Variants in CACNA1A observed in about 807,000 individuals in gnomAD.
CACNA1A encodes the protein calcium voltage-gated channel subunit alpha1 A.
Under a neutral mutation model 262.4 loss-of-function variants are expected in CACNA1A, and 57 were observed. The observed-to-expected ratio is 0.22, with a 90% CI of 0.18 to 0.27. CACNA1A has a LOEUF of 0.27. Among genes scored for constraint, CACNA1A ranks in the 10% least tolerant of loss-of-function variants. The probability of loss-of-function intolerance (pLI) is 1.00; values close to 1 mark genes in which losing one functional copy is unlikely to be tolerated. For missense variants in CACNA1A, 2,526 were observed against 3,562.8 expected, an observed-to-expected ratio of 0.71 and a Z score of 7.41; for synonymous variants, 1,431 against 1,419.3, an observed-to-expected ratio of 1.01 and a Z score of -0.18.
intron 5 of CACNA1A, among the ~76,000 whole-genome samples, chr19:13,360,166 A>G (rs1171359222): frequency 6.6e-6 from 1 of 150,932 alleles, no homozygotes; most frequent in Non-Finnish European, 1.5e-5. Flanking sequence ...CAAGTAAAAT[A>G]TTTTCTAATT....
rs4926236 is a variant in CACNA1A at position 13,214,963 on chromosome 19, T to C, written c.5732-355A>G. On this transcript the variant is annotated intron_variant, in intron 38 of 46. Coordinates refer to ENST00000360228, the MANE Select transcript of CACNA1A (RefSeq NM_001127222.2). The surrounding 1 kb of genome is among the most constrained non-coding windows in gnomAD (Gnocchi z 4.1). ...AGTTTCTCCATCTGTGAAATGGAGA[T>C]GATAGCAAGAGTACTTGCCTCACCT... 0.82 allele frequency: 189,219 copies of C among 231,114 alleles called. 78,517 individuals carry two copies. The highest frequency in any genetic ancestry group is 0.91 in the African/African-American group (39,872 of 43,752). The allele number at this position is 231,114 out of a possible 1,614,324, so 14.3% of individuals were successfully genotyped here. A position where few individuals can be genotyped will look rare whatever the true frequency, so the allele number is the denominator to read the frequency against.
intron 3 of CACNA1A, among the ~76,000 whole-genome samples, chr19:13,401,347 A>C (rs987587765): frequency 6.6e-6 from 1 of 152,142 alleles, no homozygotes; most frequent in African/African-American, 2.4e-5. Context: ...CCATGTTCTC[A>C]CTAATACATG....
At chr19:13,235,074 C>A (rs968048441) in intron 33 of CACNA1A, 38 bp from the exon 34 acceptor site, 24 of 1,555,452 alleles carry the variant, frequency 1.5e-5, no homozygotes, top group Non-Finnish European at 2.0e-5. Context: ...GGCTGCCATT[C>A]CTCCAGTGGC....
At chr19:13,209,622 G>T in intron 44 of CACNA1A, 124 bp from the exon 45 acceptor site, 1 of 661,012 alleles carries the variant, frequency 1.5e-6, no homozygotes, top group Non-Finnish European at 2.2e-6. Flanking sequence ...CCATCCTGGG[G>T]CAGGGGCCAG....
intron 1 of CACNA1A, among the ~76,000 whole-genome samples, chr19:13,502,204 T>C (rs1159209514): frequency 2.7e-5 from 4 of 150,272 alleles, no homozygotes; most frequent in South Asian, 4.2e-4. Flanking sequence ...AATCAGCCAA[T>C]GTCCACAGAT....
intron 24 of CACNA1A, among the ~76,000 whole-genome samples, chr19:13,268,242 G>C (rs1010975224): frequency 1.3e-5 from 2 of 152,108 alleles, no homozygotes; most frequent in African/African-American, 4.8e-5. Flanking sequence ...TGCGGGCCTG[G>C]GGAAAGCTAT....
intron 5 of CACNA1A, chr19:13,364,376 A>G (rs2059169216): frequency 6.6e-6 from 1 of 152,244 alleles, no homozygotes; most frequent in African/African-American, 2.4e-5. Flanking sequence ...ACCTTCCACA[A>G]GGTACCACTC....
At chr19:13,365,543 G>T (rs1435569494) in intron 4 of CACNA1A, 74 bp from the exon 5 acceptor site, 4 of 1,365,836 alleles carry the variant, frequency 2.9e-6, no homozygotes, top group Non-Finnish European at 3.0e-6. Flanking sequence ...AGACGCCCAG[G>T]TCTCTCCCAG....
At chr19:13,219,042 ATTTT>A (rs554840529) in intron 38 of CACNA1A, among the ~76,000 whole-genome samples, 283 of 117,984 alleles carry the variant, frequency 2.4e-3, no homozygotes, top group African/African-American at 8.5e-3. Flanking sequence ...CCCTTTGCAG[ATTTT>A]TTTTTTTTTT....
At chr19:13,296,470 T>C (rs994446900) in intron 19 of CACNA1A, among the ~76,000 whole-genome samples, 2 of 152,246 alleles carry the variant, frequency 1.3e-5, no homozygotes, top group Admixed American at 6.5e-5. Context: ...CTAGAAAGTA[T>C]TACAAAATGT....
intron 19 of CACNA1A, among the ~76,000 whole-genome samples, chr19:13,291,048 T>C (rs2057525097): frequency 6.6e-6 from 1 of 152,154 alleles, no homozygotes; most frequent in Non-Finnish European, 1.5e-5. Context: ...GGAGGTTTCA[T>C]TTCCAAAGTG....
chr19:13,433,941 A>C (rs1270410696), intron 3 of CACNA1A, among the ~76,000 whole-genome samples: 1 of 152,200 alleles, frequency 6.6e-6, no homozygotes, highest in African/African-American at 2.4e-5. Context: ...TGAGTGTGGC[A>C]GTTAAGAGCT....
intron 2 of CACNA1A, 109 bp from the exon 3 acceptor site, chr19:13,453,124 G>A (rs367910750): frequency 8.7e-7 from 1 of 1,145,458 alleles, no homozygotes; most frequent in Non-Finnish European, 1.3e-6. Context: ...CACTTCCCCT[G>A]ACCCTCCTGC....
chr19:13,269,992 C>T lies in CACNA1A; in HGVS notation c.3989+5858G>A, dbSNP rs2056975335. 2.0e-5 allele frequency among the ~76,000 whole-genome samples: 3 copies of T among 152,170 alleles called. No homozygotes were observed. The South Asian group carries it at 6.2e-4, about 32-fold the overall frequency. The stretch of plus-strand genomic sequence containing the variant: ...ACAAGGAAGGGAATAACCTTATGCT[C>T]CCTTCCCCTATTCCCTTCCCCTGGA... On this transcript the variant is annotated intron_variant, in intron 24 of 46. Coordinates refer to ENST00000360228, the MANE Select transcript of CACNA1A (RefSeq NM_001127222.2).
rs540418372 is a variant in CACNA1A at position 13,464,543 on chromosome 19, A to ATTTTT, written c.294-9336_294-9332dup. Reference sequence around the variant, plus strand: ...CTGCTAATAGTAAATAACTTTTCCAATTTTTTTTTTTTTTTTTTTTTTAGA... The same window carrying ATTTTT: ...CTGCTAATAGTAAATAACTTTTCCAATTTTTTTTTTTTTTTTTTTTTTTTTTTAGA... On this transcript the variant is annotated intron_variant, in intron 1 of 46. Coordinates refer to ENST00000360228, the MANE Select transcript of CACNA1A (RefSeq NM_001127222.2). Among the ~76,000 whole-genome samples the ATTTTT allele has an allele frequency of 4.7e-4, 61 of 128,948 alleles. 4 individuals carry two copies. In the East Asian group the frequency reaches 0.011, roughly 22 times the overall value. 84.6% of individuals were successfully genotyped at this position (128,948 alleles called of 152,430 possible).
At position 13,206,945 on chromosome 19, in the gene CACNA1A, T is replaced by C. The variant is rs1221000188; in HGVS notation, c.*368A>G. The C allele has an allele frequency of 2.6e-4, 2 of 7,704 alleles. No individual in the cohort carries two copies. Among genetic ancestry groups the C allele is most frequent in the African/African-American group, 2.8e-3 (2 of 722 alleles). The allele number at this position is 7,704 out of a possible 1,614,324, so 0.5% of individuals were successfully genotyped here. A position where few individuals can be genotyped will look rare whatever the true frequency, so the allele number is the denominator to read the frequency against. ...CTCCCCGTTTTTTCTTTTAAAAATG[T>C]TTTTTTTTTTTTTTTTTTTTTTTTT... On this transcript the variant is annotated 3_prime_UTR_variant, in exon 47 of 47. Transcript: ENST00000360228.
chr19:13,376,830 C>CAT (rs572403563), intron 3 of CACNA1A, among the ~76,000 whole-genome samples: 63 of 80,262 alleles, frequency 7.8e-4, no homozygotes, highest in African/African-American at 1.5e-3. Context: ...ATATATAACA[C>CAT]ATGTTATATG....
chr19:13,231,389 C>T (rs2055661617), intron 35 of CACNA1A, among the ~76,000 whole-genome samples: 1 of 151,998 alleles, frequency 6.6e-6, no homozygotes, highest in Admixed American at 6.6e-5. Flanking sequence ...CCTGGGGGCA[C>T]CTGGCAATGT....
At chr19:13,469,423 A>G (rs1462040255) in intron 1 of CACNA1A, among the ~76,000 whole-genome samples, 1 of 150,094 alleles carries the variant, frequency 6.7e-6, no homozygotes, top group Admixed American at 6.6e-5. Flanking sequence ...GCCACCTCCA[A>G]AACACCTGTT....
Sources: gnomAD v4.1 joint callset for allele counts (sites outside exome capture counted in the v4.1 genomes callset) on GRCh38, gnomAD v4.1.1 for gene constraint, Gnocchi (gnomAD v3.1) non-coding constraint, MANE v1.5 for transcripts, NCBI Gene and HGNC (gene_info 2026-07-23, HGNC 2026-07-21) for gene names.